Variants in EML5 observed in about 807,000 individuals in gnomAD.
EML5 encodes the protein EMAP like 5, also known as echinoderm microtubule-associated protein-like 5.
In EML5, 120 loss-of-function variants were observed where a neutral mutation model predicts 250.0. The observed-to-expected ratio is 0.48, with a 90% CI of 0.41 to 0.56. The LOEUF (loss-of-function observed/expected upper bound fraction) is 0.56. EML5 is among the 20% of genes least tolerant of loss of function. The pLI, the probability that EML5 is intolerant of heterozygous loss-of-function variation, is 0.00. For missense variants in EML5, 2,006 were observed against 2,437.6 expected (o/e 0.82, Z 3.73); for synonymous variants, 771 against 806.5 (o/e 0.96, Z 0.75).
At chr14:88,719,327 AGTGAGCT>A (rs71130005) in intron 8 of EML5, among the ~76,000 whole-genome samples, 26,268 of 152,118 alleles carry the variant, frequency 0.17, 2,809 homozygotes, top group East Asian at 0.47. Flanking sequence ...TCGAGGCTGC[AGTGAGCT>A]GTGATTGTGC....
chr14:88,625,081 C>T lies in EML5; in HGVS notation c.4787G>A (p.Trp1596Ter). 6.2e-7 allele frequency: 1 copy of T among 1,613,950 alleles called. No homozygotes were observed. The highest frequency in any genetic ancestry group is 8.5e-7 in the Non-Finnish European group (1 of 1,179,858). The change falls in exon 36 of 44, where the codon TGG (tryptophan) becomes TAG (stop). Residue 1596 changes from tryptophan (W) to a stop codon, truncating the protein, a stop_gained. Coordinates refer to ENST00000554922, the MANE Select transcript of EML5 (RefSeq NM_183387.3). LOFTEE classifies it high-confidence loss of function. ...TGTISGDVCV[W>*]KDHILCRIVA... ...GATTCTACACAATATGTGATCTTTC[C>T]ACACACAGACATCACCACTGATGGT...
At chr14:88,681,614 G>C (rs967545877) in intron 21 of EML5, among the ~76,000 whole-genome samples, 1 of 152,098 alleles carries the variant, frequency 6.6e-6, no homozygotes, top group Non-Finnish European at 1.5e-5. Flanking sequence ...AGTCACAAAG[G>C]AGAGAAAAAC....
intron 2 of EML5, among the ~76,000 whole-genome samples, chr14:88,754,099 C>T (rs1363357883): frequency 1.3e-5 from 2 of 152,106 alleles, no homozygotes; most frequent in Non-Finnish European, 2.9e-5. Context: ...GCACTCCAGC[C>T]TGGGCAGCAG....
chr14:88,699,580 G>GA (rs1311221077), intron 14 of EML5, among the ~76,000 whole-genome samples: 1 of 152,096 alleles, frequency 6.6e-6, no homozygotes, highest in Non-Finnish European at 1.5e-5. Context: ...TAGTGAATGG[G>GA]AAAAATGGAT....
intron 21 of EML5, among the ~76,000 whole-genome samples, chr14:88,665,834 G>C (rs2092291773): frequency 6.6e-6 from 1 of 152,114 alleles, no homozygotes; most frequent in Admixed American, 6.5e-5. Flanking sequence ...TTTGAGCCCA[G>C]GAGGTTGAGG....
chr14:88,697,002 C>T, intron 14 of EML5, 50 bp from the exon 15 acceptor site: 3 of 1,180,488 alleles, frequency 2.5e-6, no homozygotes, highest in Non-Finnish European at 3.5e-6. Context: ...TATTTATTTC[C>T]ATATCTACTA....
At chr14:88,708,936 C>T (rs2093361446) in intron 10 of EML5, among the ~76,000 whole-genome samples, 1 of 151,928 alleles carries the variant, frequency 6.6e-6, no homozygotes, top group South Asian at 2.1e-4. Context: ...ATCATAGAAG[C>T]TTCCTAATTT....
rs1340570561 is a variant in EML5 at position 88,694,350 on chromosome 14, T to C, written c.2496A>G (p.Leu832=). ...TCATGTGTTTAATTCCAGCTGTAAT[T>C]AGTTTATCAGGCACATAGGGGTTCA... is the stretch of plus-strand genomic sequence containing the variant. ...VKMNPYVPDK[L]ITAGIKHMKF... is the part of the protein sequence containing the mutation. The change falls in exon 17 of 44, where the codon CTA becomes CTG. Residue 832 remains leucine, a synonymous_variant. Transcript: ENST00000554922. The C allele has an allele frequency of 1.3e-6, 2 of 1,595,760 alleles. No individual in the cohort carries two copies. Among genetic ancestry groups the C allele is most frequent in the Admixed American group, 3.5e-5 (2 of 57,242 alleles).
At chr14:88,751,275 G>C (rs994427798) in intron 2 of EML5, among the ~76,000 whole-genome samples, 1 of 152,156 alleles carries the variant, frequency 6.6e-6, no homozygotes, top group African/African-American at 2.4e-5. Context: ...AGGTGAGAAA[G>C]AGAATAAAGT....
chr14:88,663,038 C>T lies in EML5; in HGVS notation c.3491G>A (p.Ser1164Asn), dbSNP rs770576628. Residue 1164 changes from serine (S) to asparagine (N), a missense_variant, in exon 24 of 44, where the codon AGC (serine) becomes AAC (asparagine). Coordinates refer to ENST00000554922, the MANE Select transcript of EML5 (RefSeq NM_183387.3). ...APRGKKQTIPSVEVEKIAWAS... is the reference protein window; with the variant it reads ...APRGKKQTIPNVEVEKIAWAS... The stretch of plus-strand genomic sequence containing the variant: ...GCACCACTGTTGTCCTACCTCCACG[C>T]TGGGGATGGTTTGTTTTTTCCCTCT... The T allele has an allele frequency of 1.3e-6, 2 of 1,551,104 alleles. No individual in the cohort carries two copies. The highest frequency in any genetic ancestry group is 2.4e-5 in the East Asian group (1 of 40,988).
At chr14:88,746,427 G>A in intron 2 of EML5, 144 bp from the exon 3 acceptor site, 1 of 630,972 alleles carries the variant, frequency 1.6e-6, no homozygotes. Context: ...ACCTCATAAA[G>A]GCTGAATGTA....
intron 1 of EML5, among the ~76,000 whole-genome samples, chr14:88,757,447 A>C (rs1301468754): frequency 1.6e-5 from 2 of 128,884 alleles, no homozygotes; most frequent in East Asian, 2.0e-4. Context: ...CATTAGTGAC[A>C]AAAAAAAAAG....
intron 1 of EML5, among the ~76,000 whole-genome samples, chr14:88,773,097 T>C (rs932546687): frequency 5.9e-5 from 9 of 152,246 alleles, no homozygotes. Context: ...TATGTTTTAC[T>C]TGATCTTTTA....
intron 15 of EML5, 129 bp downstream of exon 15, chr14:88,696,718 A>G: frequency 3.6e-6 from 2 of 551,700 alleles, no homozygotes; most frequent in Non-Finnish European, 6.3e-6. Flanking sequence ...GGATAACAGT[A>G]TACACATTTG....
chr14:88,723,329 T>C (rs933304626), intron 8 of EML5, among the ~76,000 whole-genome samples: 4 of 152,194 alleles, frequency 2.6e-5, no homozygotes, highest in Non-Finnish European at 5.9e-5. Flanking sequence ...GTGCACATTA[T>C]GCTTAGTGAA....
chr14:88,721,811 A>G (rs1458965904), intron 8 of EML5, among the ~76,000 whole-genome samples: 1 of 152,204 alleles, frequency 6.6e-6, no homozygotes, highest in Non-Finnish European at 1.5e-5. Flanking sequence ...AAAAGAAACT[A>G]TCATCAGGGC....
chr14:88,762,085 T>TA (rs1166633097), intron 1 of EML5, among the ~76,000 whole-genome samples: 1 of 152,216 alleles, frequency 6.6e-6, no homozygotes, highest in Non-Finnish European at 1.5e-5. Flanking sequence ...ATATTAGCCC[T>TA]TTGTCAGATG....
At chr14:88,763,317 G>A (rs1432250599) in intron 1 of EML5, among the ~76,000 whole-genome samples, 1 of 152,052 alleles carries the variant, frequency 6.6e-6, no homozygotes, top group Non-Finnish European at 1.5e-5. Context: ...AAATGATAAA[G>A]AGGATATCAC....
At chr14:88,661,587 T>C in intron 25 of EML5, 67 bp downstream of exon 25, 1 of 1,395,724 alleles carries the variant, frequency 7.2e-7, no homozygotes, top group Non-Finnish European at 9.8e-7. Context: ...TGAAGTGCTA[T>C]GACAGGACAT....
Sources: allele counts gnomAD v4.1 joint callset (sites outside exome capture counted in the v4.1 genomes callset), GRCh38; gene constraint gnomAD v4.1.1; transcripts MANE v1.5; gene names NCBI Gene and HGNC (gene_info 2026-07-23, HGNC 2026-07-21).